Variants in ROR2 observed in about 807,000 individuals in gnomAD.
ROR2 encodes the protein ROR family WNT receptor 2.
In ROR2, 33 loss-of-function variants were observed where a neutral mutation model predicts 74.9. That is an observed-to-expected ratio of 0.44 (90% confidence interval 0.33 to 0.59). ROR2 has a LOEUF of 0.59. Among genes scored for constraint, ROR2 ranks in the 20% least tolerant of loss-of-function variants. The pLI is 0.02. For synonymous variants in ROR2, 586 were observed against 558.7 expected, an observed-to-expected ratio of 1.05 and a Z score of -0.69; for missense variants, 1,216 against 1,313.8, an observed-to-expected ratio of 0.93 and a Z score of 1.15.
chr9:91,853,823 A>G (rs372106630), intron 1 of ROR2, among the ~76,000 whole-genome samples: 1 of 152,280 alleles, frequency 6.6e-6, no homozygotes, highest in East Asian at 1.9e-4. Flanking sequence ...GGCAGCAAGG[A>G]CTGTGGGAAA....
At chr9:91,884,909 G>A (rs1460102395) in intron 1 of ROR2, among the ~76,000 whole-genome samples, 1 of 152,136 alleles carries the variant, frequency 6.6e-6, no homozygotes, top group African/African-American at 2.4e-5. Context: ...TTCCTGTGCT[G>A]GGAAGTGATC....
intron 1 of ROR2, among the ~76,000 whole-genome samples, chr9:91,800,889 A>G (rs1020904054): frequency 1.3e-5 from 2 of 152,174 alleles, no homozygotes; most frequent in African/African-American, 4.8e-5. Context: ...ACCAAAACAG[A>G]TGCCAAGTCT....
At chr9:91,802,933 C>T (rs1162701912) in intron 1 of ROR2, among the ~76,000 whole-genome samples, 2 of 152,128 alleles carry the variant, frequency 1.3e-5, no homozygotes, top group East Asian at 3.9e-4. Flanking sequence ...ACCGAGCACA[C>T]CGAAAGATGC....
chr9:91,948,413 T>C (rs187774948), intron 1 of ROR2, among the ~76,000 whole-genome samples: 55 of 152,248 alleles, frequency 3.6e-4, no homozygotes, highest in Admixed American at 1.9e-3. Context: ...AGGTCTTGAG[T>C]GATGGATACC....
Position 91,723,508 on chromosome 9 carries a change from G to T in ROR2, c.*154C>A. 8.3e-7 allele frequency: 1 copy of T among 1,206,450 alleles called. No homozygotes were observed. The highest frequency in any genetic ancestry group is 1.2e-6 in the Non-Finnish European group (1 of 866,148). The allele number at this position is 1,206,450 out of a possible 1,614,324, so 74.7% of individuals were successfully genotyped here. A position where few individuals can be genotyped will look rare whatever the true frequency, so the allele number is the denominator to read the frequency against. ...GCAGCTCTCTGTGTCAGAGGACAGA[G>T]AGGAGCAGGGCTCCACCTCACCCAG... On this transcript the variant is annotated 3_prime_UTR_variant, in exon 9 of 9. Transcript: ENST00000375708.
chr9:91,918,120 C>T (rs1406916307), intron 1 of ROR2, among the ~76,000 whole-genome samples: 1 of 152,070 alleles, frequency 6.6e-6, no homozygotes, highest in African/African-American at 2.4e-5. Flanking sequence ...ATATAAAAAT[C>T]AGCTGTGCGT....
intron 1 of ROR2, among the ~76,000 whole-genome samples, chr9:91,813,613 A>G (rs1467260160): frequency 6.6e-6 from 1 of 152,054 alleles, no homozygotes; most frequent in Non-Finnish European, 1.5e-5. Context: ...GTCAGAAAAC[A>G]CCCAACCCCA....
intron 1 of ROR2, among the ~76,000 whole-genome samples, chr9:91,779,614 A>C (rs1292275032): frequency 6.6e-6 from 1 of 151,708 alleles, no homozygotes; most frequent in Non-Finnish European, 1.5e-5. Flanking sequence ...TAAATGATCC[A>C]CCCACCTCAG....
chr9:91,764,928 G>C lies in ROR2; in HGVS notation c.176-7369C>G, dbSNP rs151091783. ...AAGTCCTGCAGTTCTTGTTCCCTTT[G>C]CAAGTATTCTGAACTTTCCCCTTCT... On this transcript the variant is annotated intron_variant, in intron 2 of 8. Coordinates refer to ENST00000375708, the MANE Select transcript of ROR2 (RefSeq NM_004560.4). Among the ~76,000 whole-genome samples the C allele has an allele frequency of 1.7e-3, 252 of 152,238 alleles. 4 individuals carry two copies. The East Asian group carries it at 0.034, about 21-fold the overall frequency.
intron 1 of ROR2, among the ~76,000 whole-genome samples, chr9:91,819,446 GTGTGTCTGTGTA>G (rs1467116102): frequency 3.3e-4 from 51 of 152,282 alleles, no homozygotes; most frequent in Non-Finnish European, 4.3e-4. Flanking sequence ...TGTGTTCTGT[GTGTGTCTGTGTA>G]TGTGTCTGTG....
At chr9:91,885,529 G>A (rs538219288) in intron 1 of ROR2, among the ~76,000 whole-genome samples, 1 of 152,318 alleles carries the variant, frequency 6.6e-6, no homozygotes, top group East Asian at 1.9e-4. Context: ...CCTGCACCAG[G>A]GTGGCTATGA....
At chr9:91,757,694 C>T (rs1825804389) in intron 2 of ROR2, 135 bp from the exon 3 acceptor site, 42 of 891,196 alleles carry the variant, frequency 4.7e-5, no homozygotes, top group South Asian at 4.4e-4. Context: ...TTGTTATCTG[C>T]GGTAATTATC....
chr9:91,725,416 GACAC>G (rs756104572), intron 8 of ROR2, among the ~76,000 whole-genome samples: 7 of 151,976 alleles, frequency 4.6e-5, no homozygotes, highest in African/African-American at 1.7e-4. Flanking sequence ...TGCATGTGTG[GACAC>G]ACACACACAC....
chr9:91,751,184 G>A (rs1180588899), intron 4 of ROR2, among the ~76,000 whole-genome samples: 7 of 151,912 alleles, frequency 4.6e-5, no homozygotes, highest in Admixed American at 3.9e-4. Context: ...GTCCCTATCA[G>A]TGAAAAGAAC....
At chr9:91,843,940 A>C (rs1003210101) in intron 1 of ROR2, among the ~76,000 whole-genome samples, 1 of 152,154 alleles carries the variant, frequency 6.6e-6, no homozygotes, top group Non-Finnish European at 1.5e-5. Context: ...TGCTGTCTGC[A>C]CCTCTGGCCT....
chr9:91,847,754 G>A (rs903112869), intron 1 of ROR2, among the ~76,000 whole-genome samples: 2 of 152,122 alleles, frequency 1.3e-5, no homozygotes, highest in African/African-American at 4.8e-5. Flanking sequence ...GATGCTGGTC[G>A]CAGGAAGACA....
At chr9:91,814,455 C>T (rs1827861949) in intron 1 of ROR2, among the ~76,000 whole-genome samples, 1 of 152,100 alleles carries the variant, frequency 6.6e-6, no homozygotes, top group African/African-American at 2.4e-5. Flanking sequence ...CCGGAGGGCC[C>T]TGGCATGACA....
chr9:91,784,340 C>T (rs1826724194), intron 1 of ROR2, among the ~76,000 whole-genome samples: 1 of 152,230 alleles, frequency 6.6e-6, no homozygotes, highest in Admixed American at 6.5e-5. Context: ...CACCCCCTGG[C>T]CCCCACCTGC....
intron 2 of ROR2, among the ~76,000 whole-genome samples, chr9:91,758,484 C>G (rs986093869): frequency 6.6e-6 from 1 of 152,194 alleles, no homozygotes; most frequent in South Asian, 2.1e-4. Flanking sequence ...AAGCTAATCA[C>G]AGTCCTGTAA....
Sources: allele counts gnomAD v4.1 joint callset (sites outside exome capture counted in the v4.1 genomes callset), GRCh38; gene constraint gnomAD v4.1.1; transcripts MANE v1.5; gene names NCBI Gene and HGNC (gene_info 2026-07-23, HGNC 2026-07-21).